Variants in DACH2 observed in about 807,000 individuals in gnomAD.
DACH2 encodes the protein dachshund family transcription factor 2, also known as dachshund homolog 2.
A neutral mutation model predicts 35.8 loss-of-function variants in DACH2; 17 were observed. That is an observed-to-expected ratio of 0.48 (90% CI 0.33 to 0.71). The LOEUF (loss-of-function observed/expected upper bound fraction) is 0.71. Among genes scored for constraint, DACH2 ranks in the 30% least tolerant of loss-of-function variants. The pLI is 0.02. For synonymous variants in DACH2, 195 were observed against 177.3 expected (o/e 1.10, Z -0.79); for missense variants, 469 against 472.7 (o/e 0.99, Z 0.07).
intron 1 of DACH2, among the ~76,000 whole-genome samples, chrX:86,364,967 T>C (rs192626073): frequency 9.0e-6 from 1 of 111,383 alleles, no homozygotes; most frequent in African/African-American, 3.2e-5. Flanking sequence ...AAAGGGTAAC[T>C]ATACAAAAGG....
At chrX:86,363,984 G>A (rs1346499263) in intron 1 of DACH2, among the ~76,000 whole-genome samples, 1 of 111,220 alleles carries the variant, frequency 9.0e-6, no homozygotes, top group Admixed American at 9.6e-5. Flanking sequence ...TGGGAAATGA[G>A]TTTCTTTCCT....
intron 3 of DACH2, among the ~76,000 whole-genome samples, chrX:86,532,463 T>G (rs1341752092): frequency 3.7e-5 from 4 of 108,058 alleles, no homozygotes; most frequent in Non-Finnish European, 7.6e-5. Flanking sequence ...TCACAGGAGC[T>G]GATGGTTTTG....
At chrX:86,420,480 C>T (rs1419819124) in intron 2 of DACH2, among the ~76,000 whole-genome samples, 1 of 111,013 alleles carries the variant, frequency 9.0e-6, no homozygotes, top group Non-Finnish European at 1.9e-5. Flanking sequence ...GGAGTTTATG[C>T]CTTGTCTAAT....
intron 7 of DACH2, among the ~76,000 whole-genome samples, chrX:86,779,574 TG>T (rs1269939103): frequency 9.0e-6 from 1 of 111,628 alleles, no homozygotes; most frequent in Admixed American, 9.5e-5. Flanking sequence ...CTCTAGATAC[TG>T]GTAAATAACA....
chrX:86,631,027 T>A (rs929562428), intron 3 of DACH2, among the ~76,000 whole-genome samples: 2 of 112,107 alleles, frequency 1.8e-5, no homozygotes, highest in Non-Finnish European at 3.8e-5. Flanking sequence ...CACATCACAT[T>A]CACTGACGTG....
At chrX:86,301,803 T>C (rs2034581243) in intron 1 of DACH2, among the ~76,000 whole-genome samples, 1 of 112,186 alleles carries the variant, frequency 8.9e-6, no homozygotes, top group Non-Finnish European at 1.9e-5. Flanking sequence ...GTATATTAAT[T>C]GTCCTGAATA....
chrX:86,384,554 C>T (rs1442740632), intron 2 of DACH2, among the ~76,000 whole-genome samples: 1 of 112,022 alleles, frequency 8.9e-6, no homozygotes, highest in Non-Finnish European at 1.9e-5. Flanking sequence ...GTTTTCAATA[C>T]AAAGAATTCA....
intron 7 of DACH2, among the ~76,000 whole-genome samples, chrX:86,743,288 T>C (rs1265115708): frequency 1.8e-5 from 2 of 111,498 alleles, no homozygotes; most frequent in Non-Finnish European, 3.8e-5. Context: ...GTATCCAGTT[T>C]TGTCTTAGGA....
chrX:86,488,382 G>A (rs2038047907), intron 2 of DACH2, among the ~76,000 whole-genome samples: 1 of 110,636 alleles, frequency 9.0e-6, no homozygotes, highest in Non-Finnish European at 1.9e-5. Context: ...TCTTGTCTAT[G>A]GTTTCATTCA....
intron 1 of DACH2, among the ~76,000 whole-genome samples, chrX:86,293,755 A>T (rs1293019967): frequency 9.2e-6 from 1 of 109,286 alleles, no homozygotes; most frequent in Admixed American, 9.7e-5. Context: ...ATTGGCCCCC[A>T]CTCTCTTCTG....
At chrX:86,221,848 G>A (rs752267580) in intron 1 of DACH2, among the ~76,000 whole-genome samples, 2 of 112,276 alleles carry the variant, frequency 1.8e-5, no homozygotes, top group South Asian at 7.4e-4. Context: ...CAAGGTCAAG[G>A]TGTTGGGCAG....
chrX:86,273,516 CG>C (rs1334621010), intron 1 of DACH2, among the ~76,000 whole-genome samples: 1 of 112,038 alleles, frequency 8.9e-6, no homozygotes, highest in East Asian at 2.8e-4. Flanking sequence ...AACAAGAATG[CG>C]GACTATGACT....
At chrX:86,733,708 G>A (rs2041560732) in intron 6 of DACH2, among the ~76,000 whole-genome samples, 1 of 111,418 alleles carries the variant, frequency 9.0e-6, no homozygotes, top group African/African-American at 3.3e-5. Flanking sequence ...TAAGTTGGAA[G>A]CTGTTATTTG....
At chrX:86,293,154 T>A (rs2148001777) in intron 1 of DACH2, among the ~76,000 whole-genome samples, 1 of 102,645 alleles carries the variant, frequency 9.7e-6, no homozygotes, top group Admixed American at 1.1e-4. Flanking sequence ...CTTTTCTTGT[T>A]GAATTGATCC....
rs1194729346 is a variant in DACH2, at chrX:86,760,058, C to T, written c.1240+20176C>T. 7.2e-5 allele frequency among the ~76,000 whole-genome samples: 8 copies of T among 111,797 alleles called. No individual in the cohort carries two copies. In the East Asian group the frequency reaches 2.3e-3, roughly 31 times the overall value. ...ATTTCATTTAATCCTGCCTTGTAAG[C>T]TTTTCCATAAGAAGTCATTAGGGTT... On this transcript the variant is annotated intron_variant, in intron 7 of 11. Coordinates refer to ENST00000373125, the MANE Select transcript of DACH2 (RefSeq NM_053281.3).
chrX:86,636,084 T>G (rs1436016699), intron 3 of DACH2, among the ~76,000 whole-genome samples: 1 of 111,201 alleles, frequency 9.0e-6, no homozygotes, highest in Non-Finnish European at 1.9e-5. Flanking sequence ...CAATTTTAAG[T>G]AAAAGGAACA....
chrX:86,294,729 G>A (rs1375478859), intron 1 of DACH2, among the ~76,000 whole-genome samples: 8 of 110,421 alleles, frequency 7.2e-5, no homozygotes, highest in Non-Finnish European at 1.3e-4. Context: ...CAGTTAGGCT[G>A]CTCAGGGGTC....
intron 2 of DACH2, among the ~76,000 whole-genome samples, chrX:86,414,579 G>A (rs1223896011): frequency 2.7e-5 from 3 of 111,216 alleles, no homozygotes; most frequent in Non-Finnish European, 5.7e-5. Context: ...TATTTCACAA[G>A]GCATTGGTCA....
intron 3 of DACH2, among the ~76,000 whole-genome samples, chrX:86,563,509 T>C (rs2148325739): frequency 9.0e-6 from 1 of 111,002 alleles, no homozygotes; most frequent in South Asian, 3.7e-4. Context: ...GTAATATTAA[T>C]ATTATCAAAG....
Sources: gnomAD v4.1 joint callset for allele counts (sites outside exome capture counted in the v4.1 genomes callset) on GRCh38, gnomAD v4.1.1 for gene constraint, MANE v1.5 for transcripts, NCBI Gene and HGNC (gene_info 2026-07-23, HGNC 2026-07-21) for gene names.